Variants in TMEM266 observed in about 807,000 individuals in gnomAD.
TMEM266 encodes Hv1 related protein 1.
Under a neutral mutation model 50.5 loss-of-function variants are expected in TMEM266, and 33 were observed. The observed-to-expected ratio is 0.65, with a 90% CI of 0.50 to 0.87. The LOEUF is 0.87. Ranked by LOEUF, TMEM266 falls within the 40% of genes least tolerant of loss-of-function variation. TMEM266 has a pLI of 0.00. For missense variants in TMEM266, 655 were observed against 695.1 expected (o/e 0.94, Z 0.65); for synonymous variants, 310 against 292.3 (o/e 1.06, Z -0.62).
At chr15:76,170,955 G>C in intron 6 of TMEM266, 38 bp from the exon 7 acceptor site, 3 of 1,591,436 alleles carry the variant, frequency 1.9e-6, no homozygotes, top group Non-Finnish European at 2.6e-6. Flanking sequence ...CGGACACACG[G>C]CAGGGCCCAG....
rs1050378829 is a variant in TMEM266, at chr15:76,093,048, C to G, written c.-97+33032C>G. 1.3e-4 allele frequency among the ~76,000 whole-genome samples: 19 copies of G among 151,780 alleles called. No homozygotes were observed. The East Asian group carries it at 3.1e-3, about 25-fold the overall frequency. Reference sequence around the variant, plus strand: ...GTCTCGAACTCCTGACCTCGTGATCCACCCGCCTCGGCCTCCTAAAGTGCT... The same window carrying G: ...GTCTCGAACTCCTGACCTCGTGATCGACCCGCCTCGGCCTCCTAAAGTGCT... On this transcript the variant is annotated intron_variant, in intron 1 of 10. Transcript: ENST00000388942.
chr15:76,090,203 G>A (rs2036829950), intron 1 of TMEM266, among the ~76,000 whole-genome samples: 1 of 152,012 alleles, frequency 6.6e-6, no homozygotes, highest in African/African-American at 2.4e-5. Flanking sequence ...TGAAAGATTG[G>A]GAAGAGAGCC....
chr15:76,142,938 G>A (rs544091847), intron 3 of TMEM266, among the ~76,000 whole-genome samples: 83 of 152,328 alleles, frequency 5.4e-4, no homozygotes, highest in African/African-American at 1.9e-3. Flanking sequence ...TTGCCTGGCA[G>A]TCCTCTGCAG....
intron 2 of TMEM266, among the ~76,000 whole-genome samples, chr15:76,135,942 G>GTT (rs112950737): frequency 4.5e-4 from 66 of 145,328 alleles, no homozygotes; most frequent in East Asian, 1.4e-3. Flanking sequence ...GCAGCTGTGG[G>GTT]TTTTTTTTTT....
chr15:76,121,668 C>T (rs1179054008), intron 1 of TMEM266, among the ~76,000 whole-genome samples: 5 of 152,190 alleles, frequency 3.3e-5, no homozygotes, highest in South Asian at 4.1e-4. Flanking sequence ...CCGCCTGCCT[C>T]GGCCTCCCAA....
At chr15:76,065,490 G>A (rs1486806366) in intron 1 of TMEM266, among the ~76,000 whole-genome samples, 1 of 151,786 alleles carries the variant, frequency 6.6e-6, no homozygotes, top group Non-Finnish European at 1.5e-5. Context: ...GTGTCTATCT[G>A]GTCTCTCCTC....
chr15:76,099,657 T>C (rs2036971744), intron 1 of TMEM266, among the ~76,000 whole-genome samples: 1 of 152,202 alleles, frequency 6.6e-6, no homozygotes. Flanking sequence ...GCACCCTGGT[T>C]GTCAGGCCCC....
At chr15:76,169,583 G>A (rs562572108) in intron 5 of TMEM266, among the ~76,000 whole-genome samples, 1 of 152,310 alleles carries the variant, frequency 6.6e-6, no homozygotes, top group South Asian at 2.1e-4. Flanking sequence ...GAGATGTGGG[G>A]TCTGAGCCTG....
intron 3 of TMEM266, among the ~76,000 whole-genome samples, chr15:76,152,084 C>CT (rs2037853861): frequency 6.6e-6 from 1 of 152,184 alleles, no homozygotes; most frequent in Non-Finnish European, 1.5e-5. Flanking sequence ...CCCCCAGTCT[C>CT]CATGGCTCCC....
intron 7 of TMEM266, 102 bp downstream of exon 7, chr15:76,171,233 C>G (rs780465016): frequency 7.1e-5 from 105 of 1,476,996 alleles, no homozygotes; most frequent in Non-Finnish European, 9.2e-5. Context: ...CTGCTGGCGT[C>G]AGGACGGAAG....
chr15:76,124,165 C>T (rs985975415), intron 1 of TMEM266, among the ~76,000 whole-genome samples: 8 of 152,180 alleles, frequency 5.3e-5, no homozygotes, highest in Admixed American at 3.9e-4. Context: ...AAAGATGCCT[C>T]CTGAATAAAA....
In TMEM266 at chr15:76,119,613, A is replaced by G. The variant is rs569540125; in HGVS notation, c.-96-14555A>G. Among the ~76,000 whole-genome samples the G allele has an allele frequency of 3.9e-5, 6 of 152,074 alleles. No individual in the cohort carries two copies. The East Asian group carries it at 1.2e-3, about 29-fold the overall frequency. ...AAAGCCCCATCTCTACTAAAAATAC[A>G]AAAATTAGCCAGGTATGGTGGAGAG... On this transcript the variant is annotated intron_variant, in intron 1 of 10. Coordinates refer to ENST00000388942, the MANE Select transcript of TMEM266 (RefSeq NM_152335.3).
chr15:76,121,389 T>C (rs1192738704), intron 1 of TMEM266, among the ~76,000 whole-genome samples: 1 of 152,136 alleles, frequency 6.6e-6, no homozygotes, highest in Non-Finnish European at 1.5e-5. Context: ...CTTGGTGGGC[T>C]TAACAAAACA....
At chr15:76,143,221 TC>T (rs1265033884) in intron 3 of TMEM266, among the ~76,000 whole-genome samples, 1 of 152,164 alleles carries the variant, frequency 6.6e-6, no homozygotes, top group East Asian at 1.9e-4. Flanking sequence ...TCTCGTGTCC[TC>T]CCCTGACTCC....
At chr15:76,159,193 C>G (rs1404462303) in intron 4 of TMEM266, among the ~76,000 whole-genome samples, 1 of 152,234 alleles carries the variant, frequency 6.6e-6, no homozygotes, top group Non-Finnish European at 1.5e-5. Context: ...CCTCTACCCT[C>G]TGGGGCAATC....
At chr15:76,106,601 G>C (rs1483438564) in intron 1 of TMEM266, among the ~76,000 whole-genome samples, 1 of 151,892 alleles carries the variant, frequency 6.6e-6, no homozygotes, top group Non-Finnish European at 1.5e-5. Flanking sequence ...CATCACACTT[G>C]GCTAATTATT....
chr15:76,079,208 C>G (rs1213428468), intron 1 of TMEM266, among the ~76,000 whole-genome samples: 1 of 151,954 alleles, frequency 6.6e-6, no homozygotes, highest in African/African-American at 2.4e-5. Flanking sequence ...CAAAAATTAG[C>G]CAGGCGTGGT....
Position 76,060,509 on chromosome 15 carries a change from C to G in TMEM266, c.-97+493C>G, listed in dbSNP as rs528729361. 3.8e-3 allele frequency among the ~76,000 whole-genome samples: 585 copies of G among 152,270 alleles called. 4 individuals carry two copies. The highest frequency in any genetic ancestry group is 6.4e-3 in the Non-Finnish European group (434 of 68,032). ...TGACCACTTCCTAGTGGGCTTCCCCCGTTTGTCGGGAGGTGCCCCAGCGGC... is the reference window on the plus strand; with the variant it reads ...TGACCACTTCCTAGTGGGCTTCCCCGGTTTGTCGGGAGGTGCCCCAGCGGC... On this transcript the variant is annotated intron_variant, in intron 1 of 10. Coordinates refer to ENST00000388942, the MANE Select transcript of TMEM266 (RefSeq NM_152335.3).
intron 1 of TMEM266, among the ~76,000 whole-genome samples, chr15:76,091,714 C>G (rs144693910): frequency 1.3e-5 from 2 of 149,952 alleles, no homozygotes; most frequent in Admixed American, 6.6e-5. Flanking sequence ...GGAGGCTGGG[C>G]GCAGTGGCTC....
Sources: allele counts gnomAD v4.1 joint callset (sites outside exome capture counted in the v4.1 genomes callset), GRCh38; gene constraint gnomAD v4.1.1; transcripts MANE v1.5; gene names NCBI Gene and HGNC (gene_info 2026-07-23, HGNC 2026-07-21).